The following LRP1B variants were observed in gnomAD, a reference collection of about 807,000 sequenced individuals.
LRP1B encodes the protein low-density lipoprotein receptor-related protein 1B.
In LRP1B, 217 loss-of-function variants were observed where a neutral mutation model predicts 556.6. That is an observed-to-expected ratio of 0.39 (90% CI 0.35 to 0.44). The LOEUF is 0.44. Among genes scored for constraint, LRP1B ranks in the 20% least tolerant of loss-of-function variants. The pLI is 1.00. For synonymous variants in LRP1B, 2,047 were observed against 1,865.8 expected (o/e 1.10, Z -2.50); for missense variants, 5,053 against 5,620.8 (o/e 0.90, Z 3.23).
intron 4 of LRP1B, 65 bp from the exon 5 acceptor site, chr2:141,247,419 A>AG: frequency 6.4e-7 from 1 of 1,573,740 alleles, no homozygotes; most frequent in Non-Finnish European, 8.6e-7. Flanking sequence ...TTCTCCTTGA[A>AG]GAAAATATTA....
chr2:140,310,113 T>G (rs10169128), intron 83 of LRP1B, among the ~76,000 whole-genome samples: 46,116 of 151,386 alleles, frequency 0.3, 7,873 homozygotes, highest in Non-Finnish European at 0.4. Context: ...CTGACTGGGC[T>G]CCTCCTCTGC....
intron 7 of LRP1B, among the ~76,000 whole-genome samples, chr2:141,127,228 G>A (rs1047108554): frequency 2.6e-5 from 4 of 152,164 alleles, no homozygotes; most frequent in Non-Finnish European, 4.4e-5. Context: ...TAATTAAAAA[G>A]TCGGGAAACA....
At chr2:140,293,393 G>T (rs920515937) in intron 84 of LRP1B, among the ~76,000 whole-genome samples, 5 of 152,250 alleles carry the variant, frequency 3.3e-5, no homozygotes, top group East Asian at 1.9e-4. Context: ...CTTACTTAAA[G>T]AATACTTGAT....
rs1208026642 is a variant in LRP1B, at chr2:140,534,056, T to C, written c.7727A>G (p.Asp2576Gly). The stretch of plus-strand genomic sequence containing the variant: ...TAATTCATCAGAGTTGTCTCCGCAG[T>C]CATTTTCTCCATCACATAACTTGCC... ...PHGKLCDGEN[D>G]CGDNSDELDC... Residue 2576 changes from aspartate to glycine, a missense_variant, in exon 47 of 91, where the codon GAC becomes GGC. Coordinates refer to ENST00000389484, the MANE Select transcript of LRP1B (RefSeq NM_018557.3). 1 of 1,613,558 alleles carries C rather than the reference T, an allele frequency of 6.2e-7. No homozygotes were observed. Among genetic ancestry groups the C allele is most frequent in the African/African-American group, 1.3e-5 (1 of 75,008 alleles).
chr2:140,379,701 G>T (rs2105186149), intron 67 of LRP1B, among the ~76,000 whole-genome samples: 1 of 151,734 alleles, frequency 6.6e-6, no homozygotes, highest in African/African-American at 2.4e-5. Context: ...CTTCGGAAAA[G>T]AAAAAAAGAA....
intron 1 of LRP1B, among the ~76,000 whole-genome samples, chr2:141,965,574 T>C (rs1468230945): frequency 2.1e-5 from 2 of 96,738 alleles, no homozygotes; most frequent in African/African-American, 4.1e-5. Flanking sequence ...GGAAGGGGAA[T>C]ATCACACTCT....
At chr2:141,408,039 C>T (rs76276551) in intron 3 of LRP1B, among the ~76,000 whole-genome samples, 5,698 of 152,108 alleles carry the variant, frequency 0.037, 147 homozygotes, top group Middle Eastern at 0.095. Flanking sequence ...GAGAAATCTT[C>T]ATACCTGGTT....
At chr2:141,967,494 C>T (rs773758727) in intron 1 of LRP1B, among the ~76,000 whole-genome samples, 3 of 151,756 alleles carry the variant, frequency 2.0e-5, no homozygotes, top group East Asian at 1.9e-4. Context: ...TATTTCTTAT[C>T]GAAGTGCTAG....
At chr2:141,029,826 G>A (rs1378996651) in intron 11 of LRP1B, among the ~76,000 whole-genome samples, 1 of 152,118 alleles carries the variant, frequency 6.6e-6, no homozygotes, top group African/African-American at 2.4e-5. Flanking sequence ...TTTCTCAGCT[G>A]TGGCATTACT....
chr2:141,963,465 G>A (rs1313177196), intron 1 of LRP1B, among the ~76,000 whole-genome samples: 1 of 151,654 alleles, frequency 6.6e-6, no homozygotes, highest in African/African-American at 2.4e-5. Context: ...ATGTAATCCA[G>A]CATATAAACA....
chr2:140,611,786 G>A (rs776562751), intron 41 of LRP1B, among the ~76,000 whole-genome samples: 46 of 151,972 alleles, frequency 3.0e-4, no homozygotes, highest in African/African-American at 8.5e-4. Context: ...TAAATGTTAT[G>A]TAATAAGTTA....
chr2:141,882,935 T>A (rs1454721695), intron 1 of LRP1B, among the ~76,000 whole-genome samples: 1 of 152,122 alleles, frequency 6.6e-6, no homozygotes, highest in Non-Finnish European at 1.5e-5. Flanking sequence ...GTGACAAAGG[T>A]GGCAAACGTA....
chr2:141,710,840 C>T (rs1212245376), intron 2 of LRP1B, among the ~76,000 whole-genome samples: 1 of 152,072 alleles, frequency 6.6e-6, no homozygotes, highest in African/African-American at 2.4e-5. Context: ...GAGAGCTTAG[C>T]CAAGGTAACA....
At chr2:141,073,505 T>C (rs549129363) in intron 7 of LRP1B, among the ~76,000 whole-genome samples, 2 of 152,234 alleles carry the variant, frequency 1.3e-5, no homozygotes, top group Admixed American at 1.3e-4. Flanking sequence ...AACTCTCTCA[T>C]AGACAATCTT....
In LRP1B at chr2:140,536,726, A is replaced by C; in HGVS notation, c.7514-17T>G. The C allele has an allele frequency of 6.3e-7, 1 of 1,579,922 alleles. No homozygotes were observed. The highest frequency in any genetic ancestry group is 8.6e-7 in the Non-Finnish European group (1 of 1,168,338). On this transcript the variant is annotated splice_polypyrimidine_tract_variant and intron_variant, in intron 45 of 90. Coordinates refer to ENST00000389484, the MANE Select transcript of LRP1B (RefSeq NM_018557.3). The stretch of plus-strand genomic sequence containing the variant: ...AATTTTTAGCTGCAAGAAAAAAAAA[A>C]AAAGTCAATACTTTTGTGCAATGGC...
intron 83 of LRP1B, among the ~76,000 whole-genome samples, chr2:140,309,918 C>T (rs1684224703): frequency 8.3e-6 from 1 of 120,870 alleles, no homozygotes; most frequent in Admixed American, 7.6e-5. Context: ...GTTCTCACTT[C>T]TAAATTTTGT....
intron 37 of LRP1B, among the ~76,000 whole-genome samples, chr2:140,706,233 A>G (rs1686832015): frequency 6.6e-6 from 1 of 152,132 alleles, no homozygotes; most frequent in African/African-American, 2.4e-5. Flanking sequence ...ATTACTATTG[A>G]GTTTGAACCT....
At chr2:140,299,860 C>CA (rs796653785) in intron 83 of LRP1B, among the ~76,000 whole-genome samples, 24 of 152,086 alleles carry the variant, frequency 1.6e-4, no homozygotes, top group African/African-American at 5.3e-4. Flanking sequence ...AGTACAAAAA[C>CA]AAAGTACATT....
At position 140,276,002 on chromosome 2, in the gene LRP1B, A is replaced by C. The variant is rs572416551; in HGVS notation, c.12968-1404T>G. ...ATATTATAATTTATCACACTTAAAT[A>C]TTGAAATTAATAATATAAATGATCC... On this transcript the variant is annotated intron_variant, in intron 84 of 90. Transcript: ENST00000389484. Among the ~76,000 whole-genome samples the C allele has an allele frequency of 2.0e-5, 3 of 152,074 alleles. No individual in the cohort carries two copies. The East Asian group carries it at 5.8e-4, about 30-fold the overall frequency.
Sources: allele counts gnomAD v4.1 joint callset (sites outside exome capture counted in the v4.1 genomes callset), GRCh38; gene constraint gnomAD v4.1.1; transcripts MANE v1.5; gene names NCBI Gene and HGNC (gene_info 2026-07-23, HGNC 2026-07-21).